GPC5: variants seen among roughly 807,000 people sequenced by gnomAD.
GPC5 encodes the protein glypican 5.
Under a neutral mutation model 53.9 loss-of-function variants are expected in GPC5, and 47 were observed. The observed-to-expected ratio is 0.87, with a 90% CI of 0.69 to 1.11. The LOEUF is 1.11. GPC5 is among the 50% of genes most tolerant of loss of function. The pLI is 0.00. For synonymous variants in GPC5, 286 were observed against 263.3 expected, an observed-to-expected ratio of 1.09 and a Z score of -0.84; for missense variants, 748 against 713.1, an observed-to-expected ratio of 1.05 and a Z score of -0.56.
chr13:92,364,829 T>A (rs1594135572), intron 7 of GPC5, among the ~76,000 whole-genome samples: 1 of 151,970 alleles, frequency 6.6e-6, no homozygotes, highest in East Asian at 1.9e-4. Context: ...TTAGCATTGA[T>A]CTTAAATAGG....
chr13:92,740,910 ATAT>A (rs1441784145), intron 7 of GPC5, among the ~76,000 whole-genome samples: 1 of 141,956 alleles, frequency 7.0e-6, no homozygotes, highest in Non-Finnish European at 1.5e-5. Context: ...ATATATATAT[ATAT>A]ATATATGTGC....
chr13:92,120,646 C>A (rs1450621500), intron 6 of GPC5, among the ~76,000 whole-genome samples: 3 of 152,114 alleles, frequency 2.0e-5, no homozygotes, highest in African/African-American at 7.2e-5. Flanking sequence ...TTTAGTATAT[C>A]ATTTTCTTTC....
intron 2 of GPC5, among the ~76,000 whole-genome samples, chr13:91,455,000 C>T (rs1237877385): frequency 6.6e-6 from 1 of 152,082 alleles, no homozygotes; most frequent in Non-Finnish European, 1.5e-5. Flanking sequence ...TGGGAGATTA[C>T]AACTAGTTAT....
At chr13:92,257,123 T>G (rs1485184165) in intron 7 of GPC5, among the ~76,000 whole-genome samples, 3 of 152,180 alleles carry the variant, frequency 2.0e-5, no homozygotes, top group South Asian at 2.1e-4. Flanking sequence ...AATTTCTGTT[T>G]GGCTTAAGCT....
chr13:91,590,727 T>C (rs1378949238), intron 2 of GPC5, among the ~76,000 whole-genome samples: 1 of 152,204 alleles, frequency 6.6e-6, no homozygotes, highest in Non-Finnish European at 1.5e-5. Flanking sequence ...TTTGTCCTCT[T>C]AGAACTTACT....
chr13:92,654,920 T>C (rs890689549), intron 7 of GPC5, among the ~76,000 whole-genome samples: 4 of 152,138 alleles, frequency 2.6e-5, no homozygotes, highest in Non-Finnish European at 5.9e-5. Context: ...GATGTTCTTA[T>C]AAGAAGAGGG....
intron 6 of GPC5, among the ~76,000 whole-genome samples, chr13:91,964,170 G>A (rs958966215): frequency 5.3e-5 from 8 of 152,314 alleles, no homozygotes; most frequent in South Asian, 2.1e-4. Flanking sequence ...CAGGATTGAA[G>A]CTGCAGACCT....
intron 6 of GPC5, among the ~76,000 whole-genome samples, chr13:91,920,564 A>G (rs574360322): frequency 1.3e-5 from 2 of 152,342 alleles, no homozygotes; most frequent in African/African-American, 4.8e-5. Context: ...ATGAAAACAC[A>G]CGTGCCTACA....
At chr13:92,696,096 G>A (rs756743322) in intron 7 of GPC5, among the ~76,000 whole-genome samples, 18 of 151,932 alleles carry the variant, frequency 1.2e-4, no homozygotes, top group South Asian at 8.3e-4. Context: ...CCAGTCTATC[G>A]TTGATGGGCA....
At chr13:92,053,891 T>C (rs1340215999) in intron 6 of GPC5, among the ~76,000 whole-genome samples, 2 of 151,222 alleles carry the variant, frequency 1.3e-5, no homozygotes, top group Non-Finnish European at 2.9e-5. Flanking sequence ...AATTAGCCGG[T>C]TGTGGTGGGA....
chr13:92,295,751 G>A (rs2043029982), intron 7 of GPC5, among the ~76,000 whole-genome samples: 1 of 152,154 alleles, frequency 6.6e-6, no homozygotes, highest in Admixed American at 6.5e-5. Flanking sequence ...TTTAAAGCCT[G>A]TTTTGTCTGA....
intron 3 of GPC5, among the ~76,000 whole-genome samples, chr13:91,707,486 G>T (rs2036132067): frequency 6.6e-6 from 1 of 152,062 alleles, no homozygotes; most frequent in Non-Finnish European, 1.5e-5. Context: ...AGGTAGGCAT[G>T]TTGGCACACC....
At chr13:92,037,096 T>A (rs145444354) in intron 6 of GPC5, among the ~76,000 whole-genome samples, 76 of 152,308 alleles carry the variant, frequency 5.0e-4, no homozygotes, top group Non-Finnish European at 8.8e-4. Context: ...ATAACCAAAC[T>A]CTGTCTCTTT....
chr13:92,522,298 G>A (rs1253885216), intron 7 of GPC5, among the ~76,000 whole-genome samples: 3 of 152,172 alleles, frequency 2.0e-5, no homozygotes, highest in African/African-American at 7.2e-5. Context: ...AAATCATGCT[G>A]CTATAAAAAC....
chr13:92,514,556 A>G (rs1009678284), intron 7 of GPC5, among the ~76,000 whole-genome samples: 1 of 152,084 alleles, frequency 6.6e-6, no homozygotes, highest in Non-Finnish European at 1.5e-5. Flanking sequence ...CCTTTCATAG[A>G]TGTGTAACTG....
intron 7 of GPC5, among the ~76,000 whole-genome samples, chr13:92,624,787 C>A (rs1471446420): frequency 6.6e-6 from 1 of 152,190 alleles, no homozygotes; most frequent in African/African-American, 2.4e-5. Flanking sequence ...ATAACACAAT[C>A]TCTAAGGCTC....
chr13:92,140,981 G>A (rs1853998), intron 6 of GPC5, among the ~76,000 whole-genome samples: 6,993 of 152,228 alleles, frequency 0.046, 457 homozygotes, highest in African/African-American at 0.15. Context: ...AGAAGTAGGG[G>A]ATTTATATTA....
chr13:91,920,109 T>G (rs2039696806), intron 6 of GPC5, among the ~76,000 whole-genome samples: 1 of 151,666 alleles, frequency 6.6e-6, no homozygotes, highest in Non-Finnish European at 1.5e-5. Context: ...ATGAAAAATG[T>G]AAATGCAAAG....
intron 6 of GPC5, among the ~76,000 whole-genome samples, chr13:91,908,679 G>A (rs1463646188): frequency 1.3e-5 from 2 of 151,988 alleles, no homozygotes; most frequent in Admixed American, 6.6e-5. Flanking sequence ...CACTGAAATA[G>A]TCTATTAATT....
Sources: gnomAD v4.1 joint callset for allele counts (sites outside exome capture counted in the v4.1 genomes callset) on GRCh38, gnomAD v4.1.1 for gene constraint, MANE v1.5 for transcripts, NCBI Gene and HGNC (gene_info 2026-07-23, HGNC 2026-07-21) for gene names.